Variants in C11orf58 observed in about 807,000 individuals in gnomAD.
C11orf58 encodes the protein small acidic protein.
In C11orf58, 5 loss-of-function variants were observed where a neutral mutation model predicts 22.7. That is an observed-to-expected ratio of 0.22 (90% CI 0.12 to 0.46). C11orf58 has a LOEUF of 0.46. Among genes scored for constraint, C11orf58 ranks in the 20% least tolerant of loss-of-function variants. The probability of loss-of-function intolerance (pLI) is 0.99; values close to 1 mark genes in which losing one functional copy is unlikely to be tolerated. For synonymous variants in C11orf58, 71 were observed against 70.7 expected (o/e 1.00, Z -0.02); for missense variants, 151 against 223.3 (o/e 0.68, Z 2.06).
intron 1 of C11orf58, 58 bp downstream of exon 1, chr11:16,738,899 C>T: frequency 6.2e-7 from 1 of 1,600,104 alleles, no homozygotes. Flanking sequence ...TGGAGTAGGC[C>T]GGGAAGGGTG....
chr11:16,744,598 T>G lies in C11orf58; in HGVS notation c.64-3T>G, dbSNP rs1442870418. The G allele has an allele frequency of 1.9e-6, 3 of 1,611,550 alleles. No individual in the cohort carries two copies. Among genetic ancestry groups the G allele is most frequent in the Non-Finnish European group, 2.5e-6 (3 of 1,179,380 alleles). The stretch of plus-strand genomic sequence containing the variant: ...AAATTTAATCAACCAATTTTTTTTC[T>G]AGCTGGGATCTAGCAATTGGGAGGC... On this transcript the variant is annotated splice_polypyrimidine_tract_variant and splice_region_variant and intron_variant, in intron 1 of 4. Transcript: ENST00000228136.
intron 1 of C11orf58, among the ~76,000 whole-genome samples, chr11:16,741,241 T>C (rs1848446183): frequency 6.6e-6 from 1 of 152,096 alleles, no homozygotes; most frequent in Non-Finnish European, 1.5e-5. Context: ...TTTTTACTAT[T>C]AAAAGTAGAT....
rs1266507605 is a variant in C11orf58, at chr11:16,757,232, A to G, written c.*2128A>G. Among the ~76,000 whole-genome samples the G allele has an allele frequency of 1.3e-5, 2 of 152,324 alleles. No homozygotes were observed. Among genetic ancestry groups the G allele is most frequent in the East Asian group, 3.9e-4 (2 of 5,188 alleles). On this transcript the variant is annotated 3_prime_UTR_variant, in exon 5 of 5. Coordinates refer to ENST00000228136, the MANE Select transcript of C11orf58 (RefSeq NM_014267.6). ...TGGGATTGCTTATAACTAAGTAGAA[A>G]GTGAAGACTGATTTTTACTTAAGAA... is the stretch of plus-strand genomic sequence containing the variant.
chr11:16,741,313 C>T (rs958343427), intron 1 of C11orf58, among the ~76,000 whole-genome samples: 2 of 151,996 alleles, frequency 1.3e-5, no homozygotes, highest in Admixed American at 6.6e-5. Flanking sequence ...CTAAGAGTCA[C>T]CAGGTTATGT....
At chr11:16,752,575 A>G (rs780289586) in intron 3 of C11orf58, 151 of 329,406 alleles carry the variant, frequency 4.6e-4, no homozygotes, top group Middle Eastern at 8.1e-4. Context: ...TTAATACCCA[A>G]AGTGCTTAGT....
Position 16,754,893 on chromosome 11 carries a change from G to T in C11orf58, c.341G>T (p.Gly114Val). Residue 114 changes from glycine (G) to valine (V), a missense_variant, in exon 5 of 5, where the codon GGT (glycine) becomes GTT (valine). Coordinates refer to ENST00000228136, the MANE Select transcript of C11orf58 (RefSeq NM_014267.6). ...FSEVEDHDGE[G>V]DVAGDDDDDD... ...TAGGTAGAAGACCATGATGGAGAAGGTGATGTGGCTGGAGATGATGATGAT... is the reference window on the plus strand; with the variant it reads ...TAGGTAGAAGACCATGATGGAGAAGTTGATGTGGCTGGAGATGATGATGAT... 1 of 1,614,028 alleles carries T rather than the reference G, an allele frequency of 6.2e-7. No individual in the cohort carries two copies. Among genetic ancestry groups the T allele is most frequent in the Non-Finnish European group, 8.5e-7 (1 of 1,179,974 alleles).
At chr11:16,741,885 T>A in intron 1 of C11orf58, among the ~76,000 whole-genome samples, 1 of 152,242 alleles carries the variant, frequency 6.6e-6, no homozygotes, top group East Asian at 1.9e-4. Flanking sequence ...GTGAGTTGTA[T>A]AATTATTTCA....
intron 1 of C11orf58, among the ~76,000 whole-genome samples, chr11:16,741,430 T>C (rs1390660873): frequency 1.3e-5 from 2 of 152,186 alleles, no homozygotes; most frequent in Non-Finnish European, 2.9e-5. Flanking sequence ...AGCTATCTTA[T>C]AGGAAGTGGG....
rs114775725 is a variant in C11orf58, at chr11:16,750,678, G to A, written c.209-2107G>A. The A allele has an allele frequency of 4.5e-4, 69 of 154,322 alleles. 3 individuals carry two copies. Among genetic ancestry groups the A allele is most frequent in the African/African-American group, 1.3e-3 (55 of 41,658 alleles). The allele number at this position is 154,322 out of a possible 1,614,324, so 9.6% of individuals were successfully genotyped here. ...GCAAGGCAACAATGCTTGTTTTTGTGTGATACATTTTTCAGGAGGATGTGC... is the reference window on the plus strand; with the variant it reads ...GCAAGGCAACAATGCTTGTTTTTGTATGATACATTTTTCAGGAGGATGTGC... On this transcript the variant is annotated intron_variant, in intron 3 of 4. Coordinates refer to ENST00000228136, the MANE Select transcript of C11orf58 (RefSeq NM_014267.6).
rs1449908225 is a variant in C11orf58, at chr11:16,757,290, G to T, written c.*2186G>T. Reference sequence around the variant, plus strand: ...GAGATGAGTTTTATGGTTTTTAAAAGTATTTTCAGTTCATTATTTAAATGT... The same window carrying T: ...GAGATGAGTTTTATGGTTTTTAAAATTATTTTCAGTTCATTATTTAAATGT... On this transcript the variant is annotated 3_prime_UTR_variant, in exon 5 of 5. Coordinates refer to ENST00000228136, the MANE Select transcript of C11orf58 (RefSeq NM_014267.6). 6.6e-6 allele frequency among the ~76,000 whole-genome samples: 1 copy of T among 152,172 alleles called. No homozygotes were observed. Among genetic ancestry groups the T allele is most frequent in the South Asian group, 2.1e-4 (1 of 4,832 alleles).
Position 16,755,246 on chromosome 11 carries a change from A to G in C11orf58, c.*142A>G, listed in dbSNP as rs1475844734. The G allele has an allele frequency of 1.2e-5, 12 of 975,872 alleles. No homozygotes were observed. The highest frequency in any genetic ancestry group is 1.7e-5 in the Non-Finnish European group (11 of 661,854). The allele number at this position is 975,872 out of a possible 1,614,324, so 60.5% of individuals were successfully genotyped here. A position where few individuals can be genotyped will look rare whatever the true frequency, so the allele number is the denominator to read the frequency against. ...TAATTACAAAGAGTGTTTGCTTTCA[A>G]ATGCCATGGGTTACACTTTTATGGG... On this transcript the variant is annotated 3_prime_UTR_variant, in exon 5 of 5. Transcript: ENST00000228136.
chr11:16,752,967 C>A, intron 4 of C11orf58, 73 bp downstream of exon 4: 2 of 1,151,044 alleles, frequency 1.7e-6, no homozygotes, highest in Non-Finnish European at 2.5e-6. Context: ...TGTTAGATTA[C>A]CCTAGCAATC....
chr11:16,757,108 T>G lies in C11orf58; in HGVS notation c.*2004T>G, dbSNP rs141923925. Among the ~76,000 whole-genome samples, 1,274 of 145,916 alleles carry G rather than the reference T, an allele frequency of 8.7e-3. 15 individuals carry two copies. Among genetic ancestry groups the G allele is most frequent in the African/African-American group, 0.029 (1,201 of 41,006 alleles). Reference sequence around the variant, plus strand: ...TCTATAGTAAAATATTGAATCACTTTATAGTAGACAATACATATGACATTT... The same window carrying G: ...TCTATAGTAAAATATTGAATCACTTGATAGTAGACAATACATATGACATTT... On this transcript the variant is annotated 3_prime_UTR_variant, in exon 5 of 5. Coordinates refer to ENST00000228136, the MANE Select transcript of C11orf58 (RefSeq NM_014267.6).
In C11orf58 at chr11:16,754,953, A is replaced by T; in HGVS notation, c.401A>T (p.Asp134Val). The T allele has an allele frequency of 6.2e-7, 1 of 1,614,160 alleles. No individual in the cohort carries two copies. The highest frequency in any genetic ancestry group is 8.5e-7 in the Non-Finnish European group (1 of 1,180,018). Residue 134 changes from aspartate to valine, a missense_variant, in exon 5 of 5, where the codon GAT (aspartate) becomes GTT (valine). Around this residue, in one of 3 missense-constraint regions of C11orf58, gnomAD observed 112 missense variants for 162.6 expected, o/e 0.69. Transcript: ENST00000228136. Reference protein sequence around the residue: ...DDDSPDPESPDDSESDSESEK... With the variant: ...DDDSPDPESPVDSESDSESEK... ...GATTCACCTGATCCTGAAAGTCCAG[A>T]TGATTCTGAAAGCGATTCAGAGTCA...
chr11:16,741,654 C>CCCTTGG (rs1457309798), intron 1 of C11orf58, among the ~76,000 whole-genome samples: 19 of 152,320 alleles, frequency 1.2e-4, no homozygotes, highest in African/African-American at 4.6e-4. Context: ...ACAGCCACTC[C>CCCTTGG]CCTTGGCTTG....
chr11:16,740,665 G>A (rs1269971760), intron 1 of C11orf58, among the ~76,000 whole-genome samples: 1 of 151,752 alleles, frequency 6.6e-6, no homozygotes. Flanking sequence ...CAAGCGATCT[G>A]CCCACCTCGG....
chr11:16,738,729 G>C lies in C11orf58; in HGVS notation c.-50G>C. The C allele has an allele frequency of 6.2e-7, 1 of 1,602,440 alleles. No homozygotes were observed. The highest frequency in any genetic ancestry group is 1.3e-5 in the African/African-American group (1 of 74,830). ...ATTGTAAGCTGCTGGTTTTGCGGCT[G>C]GGAAGAGCGGCGAGAGGGTTCGGCA... is the stretch of plus-strand genomic sequence containing the variant. On this transcript the variant is annotated 5_prime_UTR_variant, in exon 1 of 5. Coordinates refer to ENST00000228136, the MANE Select transcript of C11orf58 (RefSeq NM_014267.6).
chr11:16,754,809 T>G, intron 4 of C11orf58, 62 bp from the exon 5 acceptor site: 1 of 1,587,798 alleles, frequency 6.3e-7, no homozygotes. Context: ...ACTTACGGTC[T>G]TTCTCAGATT....
intron 4 of C11orf58, among the ~76,000 whole-genome samples, chr11:16,754,539 C>G (rs541952712): frequency 1.8e-4 from 17 of 94,006 alleles, no homozygotes; most frequent in Non-Finnish European, 3.6e-4. Context: ...TTCTCTCTCT[C>G]TCTCTCCCTT....
Sources: gnomAD v4.1 joint callset for allele counts (sites outside exome capture counted in the v4.1 genomes callset) on GRCh38, gnomAD v4.1.1 for gene constraint, gnomAD v4.1.1 regional missense constraint, MANE v1.5 for transcripts, NCBI Gene and HGNC (gene_info 2026-07-23, HGNC 2026-07-21) for gene names.